The following DPYD variants were observed in gnomAD, a reference collection of about 807,000 sequenced individuals.
DPYD encodes the protein dihydropyrimidine dehydrogenase [NADP(+)].
In DPYD, 109 loss-of-function variants were observed where a neutral mutation model predicts 116.2. The observed-to-expected ratio is 0.94, with a 90% confidence interval of 0.80 to 1.10. The LOEUF (loss-of-function observed/expected upper bound fraction) is 1.10. Among genes scored for constraint, DPYD ranks in the 50% least tolerant of loss-of-function variants. The pLI is 0.00. For synonymous variants in DPYD, 440 were observed against 432.0 expected, an observed-to-expected ratio of 1.02 and a Z score of -0.23; for missense variants, 1,302 against 1,254.5, an observed-to-expected ratio of 1.04 and a Z score of -0.57.
chr1:97,856,432 A>G (rs1366480208), intron 2 of DPYD: 1 of 152,216 alleles, frequency 6.6e-6, no homozygotes, highest in Non-Finnish European at 1.5e-5. Flanking sequence ...TCATTGGCCT[A>G]TTATCAAAGC....
At chr1:97,341,050 G>A (rs1393360543) in intron 16 of DPYD, among the ~76,000 whole-genome samples, 1 of 152,136 alleles carries the variant, frequency 6.6e-6, no homozygotes, top group African/African-American at 2.4e-5. Context: ...GTAAAGGCTA[G>A]TTACCAAGAG....
chr1:97,676,353 T>C (rs531077764), intron 8 of DPYD, among the ~76,000 whole-genome samples: 1 of 152,288 alleles, frequency 6.6e-6, no homozygotes, highest in Admixed American at 6.5e-5. Context: ...AATTGATTTG[T>C]GTAACTTCCG....
In DPYD at chr1:97,875,840, A is replaced by C. The variant is rs527552742; in HGVS notation, c.150+7424T>G. Among the ~76,000 whole-genome samples, 10 of 152,174 alleles carry C rather than the reference A, an allele frequency of 6.6e-5. No individual in the cohort carries two copies. In the South Asian group the frequency reaches 2.1e-3, roughly 32 times the overall value. ...TATTGCCCAGTAATGATCACTTAAA[A>C]TATACTTACTTCAAAGTAAACTTTT... On this transcript the variant is annotated intron_variant, in intron 2 of 22. Transcript: ENST00000370192.
chr1:97,879,631 A>C (rs1234792784), intron 2 of DPYD, among the ~76,000 whole-genome samples: 1 of 151,922 alleles, frequency 6.6e-6, no homozygotes, highest in Non-Finnish European at 1.5e-5. Flanking sequence ...CAGAATTTCC[A>C]ATTAGTACTA....
intron 19 of DPYD, among the ~76,000 whole-genome samples, chr1:97,234,057 A>G (rs1005090620): frequency 6.6e-6 from 1 of 152,138 alleles, no homozygotes; most frequent in African/African-American, 2.4e-5. Flanking sequence ...CTTTCCAATT[A>G]CCATCAATGC....
chr1:97,454,066 A>T (rs944887912), intron 13 of DPYD, among the ~76,000 whole-genome samples: 8 of 152,010 alleles, frequency 5.3e-5, no homozygotes, highest in Non-Finnish European at 1.2e-4. Context: ...GCATCATAGA[A>T]ATTCAACATT....
intron 3 of DPYD, among the ~76,000 whole-genome samples, chr1:97,785,100 T>C (rs1477137910): frequency 6.6e-6 from 1 of 152,178 alleles, no homozygotes; most frequent in Non-Finnish European, 1.5e-5. Flanking sequence ...TTTAGTAAAA[T>C]CATTAAATGA....
intron 3 of DPYD, among the ~76,000 whole-genome samples, chr1:97,814,164 C>T (rs938365694): frequency 1.1e-4 from 16 of 152,048 alleles, no homozygotes; most frequent in Non-Finnish European, 1.8e-4. Context: ...TGGAAGAGCC[C>T]ATGTAAGAAG....
intron 13 of DPYD, among the ~76,000 whole-genome samples, chr1:97,453,724 A>T (rs1676539880): frequency 6.6e-6 from 1 of 152,072 alleles, no homozygotes; most frequent in Non-Finnish European, 1.5e-5. Flanking sequence ...TTTGTGTATT[A>T]TGAGTTAAGT....
At chr1:97,851,332 G>A (rs1446687434) in intron 2 of DPYD, among the ~76,000 whole-genome samples, 1 of 150,852 alleles carries the variant, frequency 6.6e-6, no homozygotes, top group Non-Finnish European at 1.5e-5. Context: ...TATTGCTTAT[G>A]ATGAGGTCAG....
intron 19 of DPYD, among the ~76,000 whole-genome samples, chr1:97,194,597 C>T (rs1302958308): frequency 2.0e-5 from 3 of 151,958 alleles, no homozygotes; most frequent in African/African-American, 4.8e-5. Flanking sequence ...CTCCACCTCC[C>T]GGGTTCAAGC....
chr1:97,881,049 T>C (rs1395029212), intron 2 of DPYD, among the ~76,000 whole-genome samples: 2 of 152,034 alleles, frequency 1.3e-5, no homozygotes, highest in African/African-American at 2.4e-5. Flanking sequence ...TCAGATATGT[T>C]ATTAGAAAAT....
At chr1:97,892,149 A>T (rs1672810662) in intron 1 of DPYD, among the ~76,000 whole-genome samples, 1 of 151,780 alleles carries the variant, frequency 6.6e-6, no homozygotes, top group South Asian at 2.1e-4. Flanking sequence ...AAATACTTTG[A>T]TTTCAATATA....
chr1:97,131,477 G>A (rs1439330757), intron 20 of DPYD, among the ~76,000 whole-genome samples: 1 of 149,126 alleles, frequency 6.7e-6, no homozygotes, highest in African/African-American at 2.5e-5. Context: ...CCTGAGAAAG[G>A]TTAGTGCTAT....
At chr1:97,673,215 G>C (rs1288720891) in intron 8 of DPYD, among the ~76,000 whole-genome samples, 1 of 151,876 alleles carries the variant, frequency 6.6e-6, no homozygotes, top group African/African-American at 2.4e-5. Context: ...AGAGTGTTAA[G>C]AATATCGACA....
At chr1:97,379,118 G>A (rs571886224) in intron 15 of DPYD, among the ~76,000 whole-genome samples, 16 of 152,268 alleles carry the variant, frequency 1.1e-4, no homozygotes, top group South Asian at 2.1e-4. Flanking sequence ...TTTAAACTAC[G>A]TAGCCAGAGG....
chr1:97,536,983 T>G (rs1257434844), intron 12 of DPYD, among the ~76,000 whole-genome samples: 1 of 152,242 alleles, frequency 6.6e-6, no homozygotes, highest in Non-Finnish European at 1.5e-5. Context: ...TCTTCAGATA[T>G]TGTAGAAATC....
At chr1:97,500,395 G>A (rs1036444167) in intron 13 of DPYD, among the ~76,000 whole-genome samples, 23 of 151,850 alleles carry the variant, frequency 1.5e-4, no homozygotes, top group Non-Finnish European at 2.8e-4. Flanking sequence ...TTTGTATCAT[G>A]TCTAATATTT....
chr1:97,489,647 T>C (rs1678856917), intron 13 of DPYD, among the ~76,000 whole-genome samples: 1 of 152,192 alleles, frequency 6.6e-6, no homozygotes, highest in African/African-American at 2.4e-5. Context: ...ATGATAGCCT[T>C]TGTTGAGTAC....
Sources: allele counts gnomAD v4.1 joint callset (sites outside exome capture counted in the v4.1 genomes callset), GRCh38; gene constraint gnomAD v4.1.1; transcripts MANE v1.5; gene names NCBI Gene and HGNC (gene_info 2026-07-23, HGNC 2026-07-21).